NAV3: variants seen among roughly 807,000 people sequenced by gnomAD.
NAV3 encodes the protein pore membrane and/or filament interacting like protein 1.
In NAV3, 87 loss-of-function variants were observed where a neutral mutation model predicts 244.7. The ratio of observed to expected loss-of-function variants is 0.36; its 90% CI spans 0.30 to 0.42. The LOEUF is 0.42. NAV3 is among the 20% of genes least tolerant of loss of function. The pLI, the probability that NAV3 is intolerant of heterozygous loss-of-function variation, is 1.00. For missense variants in NAV3, 2,663 were observed against 2,893.3 expected (o/e 0.92, Z 1.83); for synonymous variants, 1,126 against 1,042.2 (o/e 1.08, Z -1.55).
At chr12:77,708,944 C>T (rs1222916299) in intron 2 of NAV3, among the ~76,000 whole-genome samples, 1 of 152,160 alleles carries the variant, frequency 6.6e-6, no homozygotes, top group Non-Finnish European at 1.5e-5. Context: ...TGCTTATCAG[C>T]TTAAGGAGAT....
intron 1 of NAV3, among the ~76,000 whole-genome samples, chr12:77,936,881 G>A (rs1889376336): frequency 6.6e-6 from 1 of 152,122 alleles, no homozygotes; most frequent in Non-Finnish European, 1.5e-5. Flanking sequence ...TCTCCTTAAA[G>A]ACACAACTCA....
intron 2 of NAV3, among the ~76,000 whole-genome samples, chr12:77,799,312 C>T (rs540230890): frequency 2.0e-5 from 3 of 152,160 alleles, no homozygotes; most frequent in Admixed American, 6.6e-5. Flanking sequence ...GAGCCTCCCT[C>T]GCTTTAGTGA....
At chr12:77,602,798 C>A (rs539938254) in intron 2 of NAV3, among the ~76,000 whole-genome samples, 1 of 151,980 alleles carries the variant, frequency 6.6e-6, no homozygotes, top group Non-Finnish European at 1.5e-5. Context: ...AAGACAACTT[C>A]CCAATTCCCC....
chr12:77,984,589 AC>A (rs1261952073), intron 5 of NAV3, among the ~76,000 whole-genome samples: 6 of 151,966 alleles, frequency 3.9e-5, no homozygotes, highest in African/African-American at 1.5e-4. Context: ...TCCTCATTTA[AC>A]AGATGAGAAA....
intron 2 of NAV3, among the ~76,000 whole-genome samples, chr12:77,649,808 GA>G (rs1344949994): frequency 6.6e-6 from 1 of 151,964 alleles, no homozygotes; most frequent in African/African-American, 2.4e-5. Context: ...TGATTTAATC[GA>G]TTTTTTTAAG....
chr12:78,171,860 CCTGA>C (rs1309427628), intron 24 of NAV3, among the ~76,000 whole-genome samples: 2 of 151,452 alleles, frequency 1.3e-5, no homozygotes, highest in Non-Finnish European at 3.0e-5. Flanking sequence ...TATAGACAGG[CCTGA>C]CTATCACACA....
intron 2 of NAV3, among the ~76,000 whole-genome samples, chr12:77,794,912 G>A (rs143623368): frequency 6.6e-6 from 1 of 152,234 alleles, no homozygotes; most frequent in African/African-American, 2.4e-5. Flanking sequence ...CCCCATCTCT[G>A]TCCCTCTCCC....
chr12:78,008,889 C>T (rs1874719653), intron 8 of NAV3, among the ~76,000 whole-genome samples: 1 of 151,942 alleles, frequency 6.6e-6, no homozygotes, highest in Non-Finnish European at 1.5e-5. Context: ...TTTAAGATGT[C>T]AAAATCATGA....
At chr12:78,088,558 T>TA (rs111494718) in intron 12 of NAV3, among the ~76,000 whole-genome samples, 44 of 151,972 alleles carry the variant, frequency 2.9e-4, no homozygotes, top group Non-Finnish European at 5.0e-4. Flanking sequence ...AAAGGAAAAA[T>TA]AAAAAAATCT....
At chr12:78,036,901 A>G (rs1879979618) in intron 9 of NAV3, 2 of 702,252 alleles carry the variant, frequency 2.8e-6, no homozygotes, top group South Asian at 1.5e-5. Flanking sequence ...TTCCGGAGCA[A>G]AGAAGTAAGG....
intron 2 of NAV3, among the ~76,000 whole-genome samples, chr12:77,651,434 A>G (rs1023120092): frequency 1.3e-5 from 2 of 151,990 alleles, no homozygotes; most frequent in African/African-American, 2.4e-5. Context: ...TTTTTCTTCA[A>G]CAGCTCTTAC....
intron 2 of NAV3, among the ~76,000 whole-genome samples, chr12:77,765,445 G>T (rs575767222): frequency 2.2e-4 from 33 of 152,276 alleles, no homozygotes; most frequent in Non-Finnish European, 3.7e-4. Flanking sequence ...AGAGAAGTCC[G>T]TTACAAAAGA....
intron 2 of NAV3, among the ~76,000 whole-genome samples, chr12:77,735,404 T>C (rs1430119151): frequency 1.3e-5 from 2 of 152,076 alleles, no homozygotes; most frequent in East Asian, 3.9e-4. Flanking sequence ...TAAAGAGGAA[T>C]GTAGGTCACT....
intron 2 of NAV3, among the ~76,000 whole-genome samples, chr12:77,579,608 C>G (rs1869255271): frequency 2.0e-5 from 3 of 152,208 alleles, no homozygotes; most frequent in Admixed American, 2.0e-4. Context: ...AGTCCCACCT[C>G]TTAATACTGT....
intron 5 of NAV3, among the ~76,000 whole-genome samples, chr12:77,987,237 T>C (rs1870676704): frequency 6.6e-6 from 1 of 152,190 alleles, no homozygotes; most frequent in Non-Finnish European, 1.5e-5. Flanking sequence ...AATACTTCAA[T>C]TGATATTTGA....
chr12:77,964,135 T>G (rs2137909876), intron 3 of NAV3, among the ~76,000 whole-genome samples: 1 of 152,002 alleles, frequency 6.6e-6, no homozygotes, highest in East Asian at 1.9e-4. Context: ...GAGAGAGAGT[T>G]GTGTCTAACA....
At chr12:77,803,153 T>C (rs1255214904) in intron 2 of NAV3, among the ~76,000 whole-genome samples, 1 of 152,158 alleles carries the variant, frequency 6.6e-6, no homozygotes, top group Non-Finnish European at 1.5e-5. Context: ...GTTTGTTACA[T>C]AGGTATTCAC....
At chr12:77,936,186 G>A (rs1343676935) in intron 1 of NAV3, among the ~76,000 whole-genome samples, 2 of 152,106 alleles carry the variant, frequency 1.3e-5, no homozygotes, top group African/African-American at 4.8e-5. Flanking sequence ...TTGCATAATA[G>A]GCCCCAAAAT....
At chr12:77,766,907 A>G (rs1203242366) in intron 2 of NAV3, among the ~76,000 whole-genome samples, 1 of 151,538 alleles carries the variant, frequency 6.6e-6, no homozygotes, top group African/African-American at 2.4e-5. Flanking sequence ...GGCACCCACC[A>G]CCACACCCAG....
Sources: allele counts gnomAD v4.1 joint callset (sites outside exome capture counted in the v4.1 genomes callset), GRCh38; gene constraint gnomAD v4.1.1; transcripts MANE v1.5; gene names NCBI Gene and HGNC (gene_info 2026-07-23, HGNC 2026-07-21).